ABR: variants seen among roughly 807,000 people sequenced by gnomAD.
The protein encoded by ABR is ABR activator of RhoGEF and GTPase.
In ABR, 35 loss-of-function variants were observed where a neutral mutation model predicts 107.2. That is an observed-to-expected ratio of 0.33 (90% CI 0.25 to 0.43). The LOEUF (loss-of-function observed/expected upper bound fraction) is 0.43, where lower values mean the gene tolerates loss of function less well. Among genes scored for constraint, ABR ranks in the 20% least tolerant of loss-of-function variants. ABR has a pLI of 1.00. For missense variants in ABR, 815 were observed against 1,115.2 expected (o/e 0.73, Z 3.83); for synonymous variants, 498 against 462.0 (o/e 1.08, Z -1.00).
In ABR at chr17:1,198,461, G is replaced by A. The variant is rs138007785; in HGVS notation, c.838+30332C>T. ...TCTGCAATCAAAGCTGCCTGGTTCC[G>A]GCCAGGCACAGTGGCTCAAACCTAT... On this transcript the variant is annotated intron_variant, in intron 1 of 22. Transcript: ENST00000574139. Among the ~76,000 whole-genome samples, 375 of 151,554 alleles carry A rather than the reference G, an allele frequency of 2.5e-3. 22 individuals are homozygous for A. The highest frequency in any genetic ancestry group is 8.6e-3 in the African/African-American group (350 of 40,906).
intron 1 of ABR, among the ~76,000 whole-genome samples, chr17:1,203,872 C>T (rs1046936573): frequency 6.6e-6 from 1 of 152,196 alleles, no homozygotes; most frequent in Non-Finnish European, 1.5e-5. Flanking sequence ...CCGGTGGCGC[C>T]GCCTGACGCG....
Position 1,005,706 on chromosome 17 carries a change from G to A in ABR, c.*374C>T, listed in dbSNP as rs550761406. The A allele has an allele frequency of 9.0e-5, 27 of 298,926 alleles. No homozygotes were observed. Among genetic ancestry groups the A allele is most frequent in the South Asian group, 8.4e-4 (22 of 26,170 alleles). 18.5% of individuals were successfully genotyped at this position (298,926 alleles called of 1,614,324 possible). On this transcript the variant is annotated 3_prime_UTR_variant, in exon 23 of 23. Coordinates refer to ENST00000302538, the MANE Select transcript of ABR (RefSeq NM_021962.5). ...AGCGCAAAATAAAAGGCCTTGGGCTGGACTCAGGCGGAAAGAAAGTGCTGG... is the reference window on the plus strand; with the variant it reads ...AGCGCAAAATAAAAGGCCTTGGGCTAGACTCAGGCGGAAAGAAAGTGCTGG...
In ABR at chr17:1,060,764, G is replaced by A. The variant is rs376352222; in HGVS notation, c.1183-1897C>T. On this transcript the variant is annotated intron_variant, in intron 10 of 22. Transcript: ENST00000302538. ...TCCCAGCACTTTGGGAGGCCGGGGCGGGTGGATCATGAGGTCAGGAGTTTG... is the reference window on the plus strand; with the variant it reads ...TCCCAGCACTTTGGGAGGCCGGGGCAGGTGGATCATGAGGTCAGGAGTTTG... Among the ~76,000 whole-genome samples, 24 of 152,204 alleles carry A rather than the reference G, an allele frequency of 1.6e-4. No individual in the cohort carries two copies. The East Asian group carries it at 3.3e-3, about 21-fold the overall frequency.
intron 2 of ABR, 51 bp downstream of exon 2, chr17:1,125,132 G>T (rs763676092): frequency 4.6e-6 from 7 of 1,514,864 alleles, no homozygotes; most frequent in Middle Eastern, 1.8e-4. Flanking sequence ...CGATGCCCAG[G>T]CCTTCCCGTC....
At chr17:1,095,661 G>T (rs1417911046) in intron 3 of ABR, among the ~76,000 whole-genome samples, 2 of 152,178 alleles carry the variant, frequency 1.3e-5, no homozygotes, top group Non-Finnish European at 2.9e-5. Context: ...GAGGACCCGT[G>T]AGTGACTTCA....
intron 10 of ABR, among the ~76,000 whole-genome samples, chr17:1,061,737 G>C (rs947727561): frequency 1.3e-5 from 2 of 152,020 alleles, no homozygotes; most frequent in East Asian, 3.9e-4. Flanking sequence ...CATAGAGACG[G>C]GGCTTCATGA....
intron 13 of ABR, 84 bp from the exon 14 acceptor site, chr17:1,056,193 G>A (rs1022447421): frequency 8.4e-6 from 10 of 1,186,466 alleles, no homozygotes; most frequent in Admixed American, 5.2e-5. Flanking sequence ...AGGCAGACGG[G>A]GTATGAGACT....
chr17:1,134,983 A>C (rs979582822), intron 1 of ABR, among the ~76,000 whole-genome samples: 5 of 152,266 alleles, frequency 3.3e-5, no homozygotes, highest in Admixed American at 1.3e-4. Context: ...GGCACTTAGC[A>C]CATAGGAAGC....
At chr17:1,081,511 A>C (rs1216553748) in intron 5 of ABR, among the ~76,000 whole-genome samples, 1 of 152,222 alleles carries the variant, frequency 6.6e-6, no homozygotes, top group Non-Finnish European at 1.5e-5. Context: ...ACACTGGGTA[A>C]GAGGCGTGGG....
rs188160510 is a variant in ABR at position 1,070,936 on chromosome 17, G to A, written c.895-846C>T. On this transcript the variant is annotated intron_variant, in intron 8 of 22. Transcript: ENST00000302538. The surrounding 1 kb of genome is among the most constrained non-coding windows in gnomAD (Gnocchi z 4.2). ...CCAGCAATTTGGGAGGCTGAGGCGG[G>A]TGGATCACCTGAGGTCAGGAGTTTG... is the stretch of plus-strand genomic sequence containing the variant. Among the ~76,000 whole-genome samples, 244 of 152,312 alleles carry A rather than the reference G, an allele frequency of 1.6e-3. No individual in the cohort carries two copies. The highest frequency in any genetic ancestry group is 5.5e-3 in the African/African-American group (227 of 41,570).
chr17:1,141,765 T>TA (rs1441137281), intron 1 of ABR, among the ~76,000 whole-genome samples: 1 of 102,226 alleles, frequency 9.8e-6, no homozygotes, highest in Non-Finnish European at 2.0e-5. Context: ...ACTTAAATTC[T>TA]TTTTTTTTTT....
At chr17:1,123,523 C>T (rs368633232) in intron 2 of ABR, among the ~76,000 whole-genome samples, 31 of 152,250 alleles carry the variant, frequency 2.0e-4, no homozygotes, top group African/African-American at 7.5e-4. Context: ...GGAAAATCGA[C>T]GGACACGGAA....
chr17:1,137,256 C>A (rs1000153664), intron 1 of ABR, among the ~76,000 whole-genome samples: 1 of 152,122 alleles, frequency 6.6e-6, no homozygotes, highest in African/African-American at 2.4e-5. Context: ...GTTGGCCAGG[C>A]TGGTCTTGAA....
At chr17:1,026,068 G>A (rs2072169261) in intron 16 of ABR, among the ~76,000 whole-genome samples, 1 of 152,250 alleles carries the variant, frequency 6.6e-6, no homozygotes, top group Admixed American at 6.5e-5. Context: ...CTCTCCCAGG[G>A]TGCTCAGGGT....
rs191134985 is a variant in ABR, at chr17:1,132,656, C to G, written c.62-7289G>C. On this transcript the variant is annotated intron_variant, in intron 1 of 22. Coordinates refer to ENST00000302538, the MANE Select transcript of ABR (RefSeq NM_021962.5). ...CCTCCCAAAGTGCTGGGATTACAGG[C>G]GTGAGCCACCACACCTGGCCAATAA... 3.3e-3 allele frequency among the ~76,000 whole-genome samples: 503 copies of G among 152,050 alleles called. 8 individuals carry two copies. Among genetic ancestry groups the G allele is most frequent in the Admixed American group, 0.025 (386 of 15,274 alleles).
At chr17:1,120,333 G>A (rs764355065) in intron 2 of ABR, among the ~76,000 whole-genome samples, 46 of 151,912 alleles carry the variant, frequency 3.0e-4, no homozygotes, top group Non-Finnish European at 3.5e-4. Context: ...GTGCAATGGC[G>A]TGATCTCAGC....
At position 1,007,240 on chromosome 17, in the gene ABR, C is replaced by T. The variant is rs1163598069; in HGVS notation, c.2415G>A (p.Leu805=). Residue 805 remains leucine, a synonymous_variant, in exon 22 of 23, where the codon CTG becomes CTA. Coordinates refer to ENST00000302538, the MANE Select transcript of ABR (RefSeq NM_021962.5). ...CTTTGCTCTCCACTTCTGAGGGTCT[C>T]AGTAACGTGGGTCCAAACACGGTAG... ...NLATVFGPTL[L]RPSEVESKAH... 5 of 1,614,010 alleles carry T rather than the reference C, an allele frequency of 3.1e-6. No homozygotes were observed. The East Asian group carries it at 1.1e-4, about 36-fold the overall frequency.
chr17:1,012,823 G>C, intron 17 of ABR, 26 bp from the exon 18 acceptor site: 1 of 1,539,516 alleles, frequency 6.5e-7, no homozygotes, highest in Middle Eastern at 1.7e-4. Flanking sequence ...GGCAGGTAAA[G>C]ATTCCCCAGG....
rs2036464178 is a variant in ABR, at chr17:1,084,449, T to A, written c.532-822A>T. ...TTGGCCTTGAGGCCCCGTCCTCACCTCTTCCACCTCCTCTACCTCCAAGGA... is the reference window on the plus strand; with the variant it reads ...TTGGCCTTGAGGCCCCGTCCTCACCACTTCCACCTCCTCTACCTCCAAGGA... On this transcript the variant is annotated intron_variant, in intron 4 of 22. Coordinates refer to ENST00000302538, the MANE Select transcript of ABR (RefSeq NM_021962.5). The surrounding 1 kb of genome is among the most constrained non-coding windows in gnomAD (Gnocchi z 4.2). Among the ~76,000 whole-genome samples, 1 of 152,174 alleles carries A rather than the reference T, an allele frequency of 6.6e-6. No individual in the cohort carries two copies. Among genetic ancestry groups the A allele is most frequent in the Admixed American group, 6.5e-5 (1 of 15,278 alleles).
Sources: gnomAD v4.1 joint callset for allele counts (sites outside exome capture counted in the v4.1 genomes callset) on GRCh38, gnomAD v4.1.1 for gene constraint, Gnocchi (gnomAD v3.1) non-coding constraint, MANE v1.5 for transcripts, NCBI Gene and HGNC (gene_info 2026-07-23, HGNC 2026-07-21) for gene names.